Variants in DGCR2 observed in about 807,000 individuals in gnomAD.
DGCR2 encodes DiGeorge syndrome critical region gene 2.
DGCR2 carries 24 observed loss-of-function variants against 51.6 expected under a neutral mutation model. The ratio of observed to expected loss-of-function variants is 0.47; its 90% CI spans 0.34 to 0.65. The LOEUF (loss-of-function observed/expected upper bound fraction) is 0.65, where lower values mean the gene tolerates loss of function less well. DGCR2 is among the 30% of genes least tolerant of loss of function. The pLI, the probability that DGCR2 is intolerant of heterozygous loss-of-function variation, is 0.01. For synonymous variants in DGCR2, 340 were observed against 315.4 expected (o/e 1.08, Z -0.82); for missense variants, 765 against 772.1 (o/e 0.99, Z 0.11).
At chr22:19,094,587 A>G (rs2083117672) in intron 1 of DGCR2, among the ~76,000 whole-genome samples, 1 of 152,266 alleles carries the variant, frequency 6.6e-6, no homozygotes, top group African/African-American at 2.4e-5. Flanking sequence ...ACAATTTGAC[A>G]GTTTCTTTAA....
intron 1 of DGCR2, among the ~76,000 whole-genome samples, chr22:19,099,880 G>T (rs2083182279): frequency 6.6e-6 from 1 of 151,748 alleles, no homozygotes; most frequent in South Asian, 2.1e-4. Context: ...CTGAGGCAGA[G>T]AATTTCTTAA....
intron 1 of DGCR2, among the ~76,000 whole-genome samples, chr22:19,111,837 T>A (rs556657038): frequency 1.0e-4 from 14 of 135,756 alleles, no homozygotes; most frequent in Non-Finnish European, 2.2e-4. Flanking sequence ...AAACTCTTTT[T>A]TGTTTTTATT....
At chr22:19,044,416 A>AAC (rs1265232113) in intron 7 of DGCR2, among the ~76,000 whole-genome samples, 2 of 152,242 alleles carry the variant, frequency 1.3e-5, no homozygotes, top group Non-Finnish European at 2.9e-5. Context: ...AGCTTGGTTA[A>AAC]GTGGTAACAG....
intron 2 of DGCR2, among the ~76,000 whole-genome samples, chr22:19,082,136 C>T (rs1333202556): frequency 6.7e-6 from 1 of 150,142 alleles, no homozygotes; most frequent in East Asian, 1.9e-4. Flanking sequence ...CAGCCTTGAC[C>T]TCAGGGACTC....
At chr22:19,093,726 A>G (rs2153604) in intron 1 of DGCR2, among the ~76,000 whole-genome samples, 62,686 of 152,102 alleles carry the variant, frequency 0.41, 13,372 homozygotes, top group African/African-American at 0.53. Flanking sequence ...GCCAAGTGCA[A>G]TGGCTTATAC....
At chr22:19,048,673 TATAC>T (rs1424849911) in intron 6 of DGCR2, 30 bp from the exon 7 acceptor site, 5 of 1,606,086 alleles carry the variant, frequency 3.1e-6, no homozygotes, top group Non-Finnish European at 4.3e-6. Flanking sequence ...TGTACAGATG[TATAC>T]AATGCCAAAA....
intron 1 of DGCR2, among the ~76,000 whole-genome samples, chr22:19,091,938 T>C (rs143617938): frequency 2.7e-4 from 41 of 152,076 alleles, no homozygotes; most frequent in African/African-American, 9.6e-4. Flanking sequence ...AGAGTGGACA[T>C]TACTGAAATT....
chr22:19,070,048 C>T (rs984359105), intron 2 of DGCR2, among the ~76,000 whole-genome samples: 2 of 152,146 alleles, frequency 1.3e-5, no homozygotes, highest in Non-Finnish European at 2.9e-5. Context: ...GTAACTGGCA[C>T]CACGACAGGC....
intron 1 of DGCR2, among the ~76,000 whole-genome samples, chr22:19,117,841 CTAAAAAA>C (rs2083389641): frequency 6.6e-6 from 1 of 152,112 alleles, no homozygotes; most frequent in African/African-American, 2.4e-5. Flanking sequence ...CACTTTCCAA[CTAAAAAA>C]AATGAACCTG....
At chr22:19,063,125 A>C in intron 5 of DGCR2, 77 bp downstream of exon 5, 1 of 1,379,488 alleles carries the variant, frequency 7.2e-7, no homozygotes, top group Non-Finnish European at 1.0e-6. Flanking sequence ...AGCACTGGGT[A>C]AGAGGGAGGA....
chr22:19,090,532 AAG>A (rs1352384147), intron 1 of DGCR2, among the ~76,000 whole-genome samples: 1 of 152,250 alleles, frequency 6.6e-6, no homozygotes, highest in African/African-American at 2.4e-5. Context: ...AAAGTTCTGA[AAG>A]AAAAAGCTGT....
At chr22:19,080,833 C>T (rs970407176) in intron 2 of DGCR2, among the ~76,000 whole-genome samples, 8 of 151,712 alleles carry the variant, frequency 5.3e-5, no homozygotes, top group Non-Finnish European at 1.2e-4. Flanking sequence ...GACTCTGTCT[C>T]AAAAAAAAGA....
At chr22:19,108,847 T>G (rs2083286069) in intron 1 of DGCR2, among the ~76,000 whole-genome samples, 1 of 147,348 alleles carries the variant, frequency 6.8e-6, no homozygotes, top group African/African-American at 2.5e-5. Context: ...CAAAGTGAGA[T>G]CTCATCTTTA....
At position 19,065,031 on chromosome 22, in the gene DGCR2, TA is replaced by T; in HGVS notation, c.364del (p.Tyr122ThrfsTer12). On this transcript the variant is annotated frameshift_variant, in exon 4 of 10. Coordinates refer to ENST00000263196, the MANE Select transcript of DGCR2 (RefSeq NM_005137.3). LOFTEE classifies it high-confidence loss of function. ...LGKCPTGWHH[Y>X]EGTASCYRVY... ...CCGGTAGCAGCTGGCCGTGCCTTCG[TA>T]GTGGTGCCACCCTGTCGGGCACTTC... 1 of 1,614,052 alleles carries T rather than the reference TA, an allele frequency of 6.2e-7. No homozygotes were observed. Among genetic ancestry groups the T allele is most frequent in the Non-Finnish European group, 8.5e-7 (1 of 1,180,036 alleles).
At chr22:19,086,824 G>A (rs1025127699) in intron 2 of DGCR2, among the ~76,000 whole-genome samples, 4 of 152,174 alleles carry the variant, frequency 2.6e-5, no homozygotes, top group Admixed American at 1.3e-4. Flanking sequence ...TCCATGCCAG[G>A]CCATGTGGTC....
At chr22:19,088,469 T>C (rs2083042202) in intron 2 of DGCR2, among the ~76,000 whole-genome samples, 1 of 152,186 alleles carries the variant, frequency 6.6e-6, no homozygotes, top group African/African-American at 2.4e-5. Context: ...TACAAGATTA[T>C]TAATGGGGTG....
At chr22:19,097,215 T>C (rs894957205) in intron 1 of DGCR2, among the ~76,000 whole-genome samples, 10 of 152,080 alleles carry the variant, frequency 6.6e-5, no homozygotes, top group African/African-American at 2.4e-4. Context: ...TGGCTTCCTA[T>C]ATATCAGTAT....
intron 2 of DGCR2, among the ~76,000 whole-genome samples, chr22:19,077,044 G>A (rs2145989619): frequency 6.6e-6 from 1 of 152,064 alleles, no homozygotes; most frequent in East Asian, 1.9e-4. Flanking sequence ...TTTTTAACCA[G>A]GATATTTATT....
At chr22:19,114,645 CGGTCCTGT>C (rs2083354658) in intron 1 of DGCR2, among the ~76,000 whole-genome samples, 1 of 152,312 alleles carries the variant, frequency 6.6e-6, no homozygotes, top group East Asian at 1.9e-4. Flanking sequence ...GCATCTGGCC[CGGTCCTGT>C]GGTCAGTCTC....
Sources: gnomAD v4.1 joint callset for allele counts (sites outside exome capture counted in the v4.1 genomes callset) on GRCh38, gnomAD v4.1.1 for gene constraint, MANE v1.5 for transcripts, NCBI Gene and HGNC (gene_info 2026-07-23, HGNC 2026-07-21) for gene names.